LRRC40: variants seen among roughly 807,000 people sequenced by gnomAD.
LRRC40 encodes the protein leucine rich repeat containing 40.
Under a neutral mutation model 72.8 loss-of-function variants are expected in LRRC40, and 76 were observed. The observed-to-expected ratio is 1.04, with a 90% CI of 0.87 to 1.26. The LOEUF (loss-of-function observed/expected upper bound fraction) is 1.26, where lower values mean the gene tolerates loss of function less well. Among genes scored for constraint, LRRC40 ranks in the 50% most tolerant of loss-of-function variants. LRRC40 has a pLI of 0.00. For synonymous variants in LRRC40, 243 were observed against 254.2 expected (o/e 0.96, Z 0.42); for missense variants, 684 against 698.9 (o/e 0.98, Z 0.24).
At chr1:70,151,734 T>A (rs930519772) in intron 12 of LRRC40, 2 of 143,104 alleles carry the variant, frequency 1.4e-5, no homozygotes, top group African/African-American at 5.3e-5. Context: ...ACAATGACTA[T>A]TTTTTTTTTT....
rs1384026967 is a variant in LRRC40 at position 70,145,529 on chromosome 1, A to C, written c.*271T>G. 4.4e-6 allele frequency: 1 copy of C among 227,620 alleles called. No homozygotes were observed. Among genetic ancestry groups the C allele is most frequent in the Non-Finnish European group, 8.5e-6 (1 of 118,322 alleles). The allele number at this position is 227,620 out of a possible 1,614,324, so 14.1% of individuals were successfully genotyped here. On this transcript the variant is annotated 3_prime_UTR_variant, in exon 15 of 15. Coordinates refer to ENST00000370952, the MANE Select transcript of LRRC40 (RefSeq NM_017768.5). ...AAGTTAGCAGGATAAATCATAAGCA[A>C]AACATTTAGAACAAATGTATGAACA...
In LRRC40 at chr1:70,180,917, T is replaced by C. The variant is rs539351623; in HGVS notation, c.661+169A>G. ...TTTATGATGGTATTTCTTTAGACAG[T>C]TGATACATAATAATGGTCTGGAGAA... On this transcript the variant is annotated intron_variant, in intron 5 of 14. Transcript: ENST00000370952. 4.6e-5 allele frequency among the ~76,000 whole-genome samples: 7 copies of C among 152,318 alleles called. No individual in the cohort carries two copies. The South Asian group carries it at 1.2e-3, about 27-fold the overall frequency.
intron 10 of LRRC40, among the ~76,000 whole-genome samples, chr1:70,156,435 G>C (rs1283823550): frequency 6.6e-6 from 1 of 151,992 alleles, no homozygotes; most frequent in African/African-American, 2.4e-5. Flanking sequence ...CTGAATCTCA[G>C]TTCTGTGACA....
At chr1:70,187,142 T>C (rs918368419) in intron 3 of LRRC40, 123 bp downstream of exon 3, 5 of 535,920 alleles carry the variant, frequency 9.3e-6, no homozygotes, top group Admixed American at 7.7e-5. Flanking sequence ...TTAAAATTCT[T>C]ATTCTGCTTT....
Position 70,189,178 on chromosome 1 carries a change from C to A in LRRC40, c.247G>T (p.Asp83Tyr). The change falls in exon 2 of 15, where the codon GAT (aspartate) becomes TAT (tyrosine). Residue 83 changes from aspartate to tyrosine, a missense_variant. Physicochemically the swap from Asp to Tyr is radical, Grantham distance 160. Transcript: ENST00000370952. Reference sequence around the variant, plus strand: ...TTTGATATTATTAGTTTGGTCAAATCTGTCTGCTCCCACCATCTTTCAGTA... The same window carrying A: ...TTTGATATTATTAGTTTGGTCAAATATGTCTGCTCCCACCATCTTTCAGTA... Reference protein sequence around the residue: ...GATERWWEQTDLTKLIISNNK... With the variant: ...GATERWWEQTYLTKLIISNNK... 1 of 1,613,516 alleles carries A rather than the reference C, an allele frequency of 6.2e-7. No individual in the cohort carries two copies.
At position 70,184,802 on chromosome 1, in the gene LRRC40, A is replaced by G. The variant is rs765182308; in HGVS notation, c.520T>C (p.Ser174Pro). Residue 174 changes from serine to proline, a missense_variant, in exon 4 of 15, where the codon TCC becomes CCC. Ser to Pro is a moderately conservative substitution (Grantham distance 74). Transcript: ENST00000370952. ...GAACTTACTAAATCTTCTAAATTGG[A>G]AAGTTGTTCAAATCCCTCTGATATG... is the stretch of plus-strand genomic sequence containing the variant. ...TCISEGFEQL[S>P]NLEDLDLSNN... 8 of 1,604,420 alleles carry G rather than the reference A, an allele frequency of 5.0e-6. No homozygotes were observed. In the South Asian group the frequency reaches 6.8e-5, roughly 14 times the overall value.
chr1:70,204,240 A>G (rs1450732152), intron 1 of LRRC40, among the ~76,000 whole-genome samples: 2 of 152,216 alleles, frequency 1.3e-5, no homozygotes, highest in Non-Finnish European at 2.9e-5. Context: ...ACCAAGCACT[A>G]TTTTCAGTGA....
Position 70,189,086 on chromosome 1 carries a change from A to T in LRRC40, c.333+6T>A, listed in dbSNP as rs1030151140. 3.1e-6 allele frequency: 5 copies of T among 1,605,050 alleles called. No homozygotes were observed. Among genetic ancestry groups the T allele is most frequent in the Non-Finnish European group, 4.3e-6 (5 of 1,175,960 alleles). ...AATAATCCATATTTATAGTCAGTCA[A>T]CTTACATCAAGAACAGTCAGTGCAG... On this transcript the variant is annotated splice_donor_region_variant and intron_variant, in intron 2 of 14. Transcript: ENST00000370952.
At chr1:70,158,278 T>C (rs916380177) in intron 10 of LRRC40, among the ~76,000 whole-genome samples, 4 of 151,922 alleles carry the variant, frequency 2.6e-5, no homozygotes, top group Non-Finnish European at 5.9e-5. Flanking sequence ...ACACAACAAA[T>C]GTGAAATGGA....
intron 1 of LRRC40, 75 bp from the exon 2 acceptor site, chr1:70,189,348 A>G (rs746517173): frequency 1.6e-5 from 20 of 1,226,084 alleles, no homozygotes; most frequent in Non-Finnish European, 1.9e-5. Flanking sequence ...ATACTAAGTG[A>G]CATGCTTTTA....
intron 1 of LRRC40, among the ~76,000 whole-genome samples, chr1:70,204,732 T>TACACAC (rs3219841): frequency 0.076 from 11,087 of 145,200 alleles, 518 homozygotes; most frequent in East Asian, 0.25. Context: ...CTCTCTCTCT[T>TACACAC]ACACACACAC....
At chr1:70,148,745 TA>T (rs1667383928) in intron 13 of LRRC40, 73 bp from the exon 14 acceptor site, 5 of 883,604 alleles carry the variant, frequency 5.7e-6, no homozygotes, top group Admixed American at 5.4e-5. Context: ...CATATTATCT[TA>T]AATTTGACAT....
chr1:70,152,735 C>T (rs1384310436), intron 11 of LRRC40, among the ~76,000 whole-genome samples, 192 bp from the exon 12 acceptor site: 2 of 152,088 alleles, frequency 1.3e-5, no homozygotes, highest in African/African-American at 2.4e-5. Context: ...TCAAAAAAGG[C>T]TCACTCTTAT....
At chr1:70,153,856 C>G (rs1667571146) in intron 11 of LRRC40, among the ~76,000 whole-genome samples, 1 of 151,626 alleles carries the variant, frequency 6.6e-6, no homozygotes, top group Non-Finnish European at 1.5e-5. Flanking sequence ...GCCTGTAGTC[C>G]CAGCCACTAG....
At chr1:70,173,135 TAGAA>T (rs879646281) in intron 9 of LRRC40, among the ~76,000 whole-genome samples, 7 of 152,056 alleles carry the variant, frequency 4.6e-5, no homozygotes, top group Admixed American at 4.6e-4. Context: ...TTCTAGTCAA[TAGAA>T]CCCATATATC....
At position 70,201,554 on chromosome 1, in the gene LRRC40, A is replaced by G. The variant is rs545638037; in HGVS notation, c.151+3836T>C. ...GATCAACAACAAGGAAACGAGCCCA[A>G]TGAAAAAACGTGCAAAAGTTCTTAA... On this transcript the variant is annotated intron_variant, in intron 1 of 14. Coordinates refer to ENST00000370952, the MANE Select transcript of LRRC40 (RefSeq NM_017768.5). Among the ~76,000 whole-genome samples the G allele has an allele frequency of 5.9e-5, 9 of 152,238 alleles. No homozygotes were observed. The East Asian group carries it at 1.7e-3, about 29-fold the overall frequency.
chr1:70,159,765 AAT>A lies in LRRC40; in HGVS notation c.1112-329_1112-328del, dbSNP rs532808417. 3.1e-4 allele frequency among the ~76,000 whole-genome samples: 47 copies of A among 152,350 alleles called. 1 individual carries two copies. In the South Asian group the frequency reaches 9.7e-3, roughly 32 times the overall value. On this transcript the variant is annotated intron_variant, in intron 9 of 14. Coordinates refer to ENST00000370952, the MANE Select transcript of LRRC40 (RefSeq NM_017768.5). Reference sequence around the variant, plus strand: ...AGTAATCCTTCCTCTTAAGTAAAATAATATGGTCCACTAGAAGAAATTTGTTA... The same window carrying A: ...AGTAATCCTTCCTCTTAAGTAAAATAATGGTCCACTAGAAGAAATTTGTTA...
intron 6 of LRRC40, among the ~76,000 whole-genome samples, chr1:70,176,531 CAAAAAA>C (rs368720423): frequency 1.7e-4 from 5 of 29,722 alleles, no homozygotes; most frequent in African/African-American, 3.7e-4. Context: ...GAATCCATCT[CAAAAAA>C]AAAAAAAAAA....
chr1:70,193,345 A>C (rs979852848), intron 1 of LRRC40, among the ~76,000 whole-genome samples: 1 of 152,080 alleles, frequency 6.6e-6, no homozygotes, highest in African/African-American at 2.4e-5. Context: ...GTATATTATG[A>C]ACAACTTTAT....
Sources: allele counts gnomAD v4.1 joint callset (sites outside exome capture counted in the v4.1 genomes callset), GRCh38; gene constraint gnomAD v4.1.1; transcripts MANE v1.5; gene names NCBI Gene and HGNC (gene_info 2026-07-23, HGNC 2026-07-21).